CASD1: variants seen among roughly 807,000 people sequenced by gnomAD.
CASD1 encodes the protein CAS1 domain sialic acid O acetyltransferase 1.
Under a neutral mutation model 100.0 loss-of-function variants are expected in CASD1, and 41 were observed. That is an observed-to-expected ratio of 0.41 (90% CI 0.32 to 0.53). The LOEUF is 0.53. CASD1 is among the 20% of genes least tolerant of loss of function. The probability of loss-of-function intolerance (pLI) is 0.25; values close to 1 mark genes in which losing one functional copy is unlikely to be tolerated. For synonymous variants in CASD1, 321 were observed against 315.6 expected, an observed-to-expected ratio of 1.02 and a Z score of -0.18; for missense variants, 774 against 948.7, an observed-to-expected ratio of 0.82 and a Z score of 2.42.
the CASD1 span, among the ~76,000 whole-genome samples, chr7:94,607,185 G>A: frequency 6.6e-6 from 1 of 152,076 alleles, no homozygotes; most frequent in Non-Finnish European, 1.5e-5. Flanking sequence ...AAAGCATCAG[G>A]TCCAGATGGG....
Position 94,512,546 on chromosome 7 carries a change from A to G in CASD1, c.133+2329A>G, listed in dbSNP as rs544386569. ...AGTAAAGGAAAGAATTACCCACTAC[A>G]GAAAGTAAAGCTTGGCGAATACTGT... is the stretch of plus-strand genomic sequence containing the variant. On this transcript the variant is annotated intron_variant, in intron 1 of 17. Coordinates refer to ENST00000297273, the MANE Select transcript of CASD1 (RefSeq NM_022900.5). Among the ~76,000 whole-genome samples, 4 of 152,368 alleles carry G rather than the reference A, an allele frequency of 2.6e-5. No homozygotes were observed. In the South Asian group the frequency reaches 8.3e-4, roughly 32 times the overall value.
chr7:94,557,618 T>C (rs940502505), downstream of CASD1, among the ~76,000 whole-genome samples: 5 of 152,140 alleles, frequency 3.3e-5, no homozygotes, highest in Non-Finnish European at 2.9e-5. Flanking sequence ...GAAGCACTTA[T>C]GTCTTCAGTA....
chr7:94,536,321 C>T (rs1443326504), intron 8 of CASD1, among the ~76,000 whole-genome samples: 1 of 152,144 alleles, frequency 6.6e-6, no homozygotes, highest in Admixed American at 6.5e-5. Flanking sequence ...TGAACAAATC[C>T]AAGTTGACCT....
the CASD1 span, chr7:94,600,054 T>A: frequency 4.2e-6 from 1 of 237,802 alleles, no homozygotes; most frequent in South Asian, 8.1e-5. Flanking sequence ...TTTTTATCCT[T>A]TGCTTTGTTG....
the CASD1 span, chr7:94,588,795 A>G: frequency 1.2e-6 from 2 of 1,605,194 alleles, no homozygotes; most frequent in African/African-American, 2.7e-5. Context: ...CAGAGAGCAG[A>G]CATACTAGAA....
intron 3 of CASD1, among the ~76,000 whole-genome samples, chr7:94,519,237 C>T (rs1468079391): frequency 6.6e-6 from 1 of 152,002 alleles, no homozygotes; most frequent in African/African-American, 2.4e-5. Context: ...TGAATTATCT[C>T]ATCATATCTT....
intron 10 of CASD1, among the ~76,000 whole-genome samples, chr7:94,539,668 C>CAAAAAAAAA (rs71120400): frequency 1.7e-5 from 2 of 119,728 alleles, no homozygotes; most frequent in Non-Finnish European, 1.7e-5. Flanking sequence ...GACTCCGTCT[C>CAAAAAAAAA]AAAAAAAAAA....
At chr7:94,511,516 T>C (rs755075646) in intron 1 of CASD1, among the ~76,000 whole-genome samples, 28 of 152,308 alleles carry the variant, frequency 1.8e-4, no homozygotes, top group Non-Finnish European at 3.2e-4. Context: ...TCTCCAGCTC[T>C]CTCCAGATCA....
At chr7:94,623,051 C>T in the CASD1 span, among the ~76,000 whole-genome samples, 1 of 152,096 alleles carries the variant, frequency 6.6e-6, no homozygotes, top group Non-Finnish European at 1.5e-5. Context: ...AAGAGAAATG[C>T]TACTGTTAGT....
the CASD1 span, among the ~76,000 whole-genome samples, chr7:94,592,927 A>G: frequency 1.1e-4 from 16 of 152,298 alleles, no homozygotes; most frequent in African/African-American, 3.1e-4. Context: ...ATCATTTAAC[A>G]ATAAGAAATA....
At chr7:94,532,131 T>C (rs1007162974) in intron 5 of CASD1, among the ~76,000 whole-genome samples, 2 of 152,166 alleles carry the variant, frequency 1.3e-5, no homozygotes, top group African/African-American at 4.8e-5. Context: ...AGTCCCCATT[T>C]ATCCATGGTT....
intron 1 of CASD1, among the ~76,000 whole-genome samples, chr7:94,516,057 T>C (rs1221301383): frequency 6.6e-6 from 1 of 152,142 alleles, no homozygotes; most frequent in Non-Finnish European, 1.5e-5. Context: ...AATTTTGTTT[T>C]TTAGAACTAG....
chr7:94,527,046 G>A (rs1477573497), intron 3 of CASD1, 116 bp from the exon 4 acceptor site: 11 of 749,460 alleles, frequency 1.5e-5, no homozygotes, highest in Admixed American at 9.5e-5. Flanking sequence ...GAGATTTGGT[G>A]CATAAAAATA....
the CASD1 span, among the ~76,000 whole-genome samples, chr7:94,631,175 C>T: frequency 6.6e-6 from 1 of 151,876 alleles, no homozygotes; most frequent in African/African-American, 2.4e-5. Context: ...GTGATCTTCC[C>T]CTGTGGCATT....
intron 17 of CASD1, 28 bp downstream of exon 17, chr7:94,554,603 TAC>T (rs1344116704): frequency 7.0e-7 from 1 of 1,418,870 alleles, no homozygotes; most frequent in Admixed American, 1.7e-5. Context: ...TTGCTTATCT[TAC>T]ACAGCCAGGT....
At chr7:94,530,209 C>G (rs1270128900) in intron 5 of CASD1, among the ~76,000 whole-genome samples, 1 of 152,110 alleles carries the variant, frequency 6.6e-6, no homozygotes, top group Non-Finnish European at 1.5e-5. Context: ...ATAAAGTGGT[C>G]TTGAAGGTGA....
intron 1 of CASD1, among the ~76,000 whole-genome samples, chr7:94,516,316 A>C (rs1039859818): frequency 6.6e-6 from 1 of 152,130 alleles, no homozygotes; most frequent in East Asian, 1.9e-4. Context: ...CACCACTTTC[A>C]ATATTTATGC....
At chr7:94,582,623 T>A in the CASD1 span, among the ~76,000 whole-genome samples, 1 of 152,242 alleles carries the variant, frequency 6.6e-6, no homozygotes, top group East Asian at 1.9e-4. Flanking sequence ...CTGTTGATAG[T>A]TTCTTTTCAT....
chr7:94,531,252 G>T (rs1794836622), intron 5 of CASD1, among the ~76,000 whole-genome samples: 2 of 152,080 alleles, frequency 1.3e-5, no homozygotes, highest in Admixed American at 1.3e-4. Context: ...ATAATTCATG[G>T]ATCATAGCTC....
Sources: allele counts gnomAD v4.1 joint callset (sites outside exome capture counted in the v4.1 genomes callset), GRCh38; gene constraint gnomAD v4.1.1; transcripts MANE v1.5; gene names NCBI Gene and HGNC (gene_info 2026-07-23, HGNC 2026-07-21).